Variants in GATAD1 observed in about 807,000 individuals in gnomAD.
The protein encoded by GATAD1 is GATA zinc finger domain containing 1.
A neutral mutation model predicts 26.5 loss-of-function variants in GATAD1; 12 were observed. The observed-to-expected ratio is 0.45, with a 90% CI of 0.29 to 0.73. The LOEUF is 0.73. Ranked by LOEUF, GATAD1 falls within the 30% of genes least tolerant of loss-of-function variation. The probability of loss-of-function intolerance (pLI) is 0.10; values close to 1 mark genes in which losing one functional copy is unlikely to be tolerated. For missense variants in GATAD1, 266 were observed against 342.1 expected, an observed-to-expected ratio of 0.78 and a Z score of 1.75; for synonymous variants, 129 against 133.1, an observed-to-expected ratio of 0.97 and a Z score of 0.21.
At chr7:92,485,267 G>A in the GATAD1 span, among the ~76,000 whole-genome samples, 2 of 152,168 alleles carry the variant, frequency 1.3e-5, no homozygotes, top group Non-Finnish European at 2.9e-5. Context: ...GGGCTCAGAG[G>A]CCTGACAGTC....
At chr7:92,449,668 A>ATT in intron 2 of GATAD1, 1 of 904,134 alleles carries the variant, frequency 1.1e-6, no homozygotes, top group Non-Finnish European at 1.3e-6. Flanking sequence ...ATGGCAGACT[A>ATT]TTTTCTTTTT....
At chr7:92,450,824 T>A in intron 3 of GATAD1, 64 bp downstream of exon 3, 2 of 978,270 alleles carry the variant, frequency 2.0e-6, no homozygotes, top group East Asian at 4.8e-5. Flanking sequence ...CACTAAAATG[T>A]TGGATTAGTC....
intron 3 of GATAD1, chr7:92,454,270 T>G: frequency 2.2e-6 from 1 of 457,938 alleles, no homozygotes; most frequent in Non-Finnish European, 3.8e-6. Context: ...GAACAAATCT[T>G]TTCTCCAGAT....
chr7:92,488,274 G>A, the GATAD1 span, among the ~76,000 whole-genome samples: 2 of 152,124 alleles, frequency 1.3e-5, no homozygotes, highest in African/African-American at 4.8e-5. Context: ...GAGGTGGTGG[G>A]CTTAACAGAA....
At chr7:92,464,006 T>C (rs1442359061), downstream of GATAD1, among the ~76,000 whole-genome samples, 1 of 152,122 alleles carries the variant, frequency 6.6e-6, no homozygotes, top group East Asian at 1.9e-4. Flanking sequence ...TTATGCATAT[T>C]TTACCATAAT....
intron 2 of GATAD1, 140 bp from the exon 3 acceptor site, chr7:92,450,561 A>AT: frequency 1.8e-6 from 1 of 568,382 alleles, no homozygotes; most frequent in Non-Finnish European, 3.1e-6. Context: ...TCAGAAAATC[A>AT]TTTATCTTTT....
At chr7:92,495,679 A>T in the GATAD1 span, among the ~76,000 whole-genome samples, 409 of 152,114 alleles carry the variant, frequency 2.7e-3, 13 homozygotes, top group Admixed American at 0.026. Context: ...AAAATTGTTT[A>T]TTCATGCTTT....
At chr7:92,494,204 G>T in the GATAD1 span, 1 of 946,350 alleles carries the variant, frequency 1.1e-6, no homozygotes. Context: ...GTCTTCTAAG[G>T]ACAATTGCCA....
intron 1 of GATAD1, 131 bp downstream of exon 1, chr7:92,448,109 C>G: frequency 1.8e-6 from 1 of 541,654 alleles, no homozygotes; most frequent in Non-Finnish European, 2.7e-6. Context: ...ACGCCCCTCC[C>G]CACCTCCTAC....
downstream of GATAD1, chr7:92,461,366 A>G (rs1789916293): frequency 6.6e-6 from 1 of 152,240 alleles, no homozygotes; most frequent in African/African-American, 2.4e-5. Context: ...CACAGAAGCA[A>G]CAGCCTTACA....
the GATAD1 span, chr7:92,490,251 T>C: frequency 7.1e-6 from 2 of 281,500 alleles, no homozygotes; most frequent in South Asian, 8.1e-5. Flanking sequence ...CATTTCTAAA[T>C]AGAATAAATT....
At chr7:92,492,566 C>T in the GATAD1 span, among the ~76,000 whole-genome samples, 2 of 152,192 alleles carry the variant, frequency 1.3e-5, no homozygotes, top group Non-Finnish European at 2.9e-5. Flanking sequence ...TCCTATTGGC[C>T]AGATTGGAAC....
At chr7:92,468,962 T>A in the GATAD1 span, 1 of 763,546 alleles carries the variant, frequency 1.3e-6, no homozygotes, top group Non-Finnish European at 2.4e-6. Context: ...GAGACAAAGT[T>A]AACAAGGAGG....
chr7:92,456,479 A>C lies in GATAD1; in HGVS notation c.727A>C (p.Arg243=). Residue 243 remains arginine, a synonymous_variant, in exon 5 of 5, where the codon AGA becomes CGA. Coordinates refer to ENST00000287957, the MANE Select transcript of GATAD1 (RefSeq NM_021167.5). ...ATCACCATTTCCCACAGTTCCCACC[A>C]GACCAGAGAAGGGCTACATATGGAC... ...RSSPFPTVPT[R]PEKGYIWTHV... 1 of 1,612,832 alleles carries C rather than the reference A, an allele frequency of 6.2e-7. No homozygotes were observed. Among genetic ancestry groups the C allele is most frequent in the Non-Finnish European group, 8.5e-7 (1 of 1,178,766 alleles).
At chr7:92,451,489 G>T (rs1354819249) in intron 3 of GATAD1, among the ~76,000 whole-genome samples, 3 of 152,228 alleles carry the variant, frequency 2.0e-5, no homozygotes, top group African/African-American at 7.2e-5. Context: ...GGGGACAGTG[G>T]TGTGAGTTAG....
chr7:92,494,142 T>A, the GATAD1 span: 1 of 684,714 alleles, frequency 1.5e-6, no homozygotes, highest in East Asian at 2.8e-5. Flanking sequence ...TAATTCAGAA[T>A]CTTTTTATGC....
At chr7:92,465,987 G>T in the GATAD1 span, among the ~76,000 whole-genome samples, 33 of 152,288 alleles carry the variant, frequency 2.2e-4, no homozygotes, top group African/African-American at 7.7e-4. Context: ...TGGGCCGACA[G>T]AGTGAGACTC....
rs1323330383 is a variant in GATAD1, at chr7:92,458,447, A to AC, written c.*1888dup. The AC allele has an allele frequency of 6.6e-6, 1 of 152,226 alleles. No homozygotes were observed. Among genetic ancestry groups the AC allele is most frequent in the Non-Finnish European group, 1.5e-5 (1 of 68,044 alleles). The allele number at this position is 152,226 out of a possible 1,614,324, so 9.4% of individuals were successfully genotyped here. A position where few individuals can be genotyped will look rare whatever the true frequency, so the allele number is the denominator to read the frequency against. On this transcript the variant is annotated 3_prime_UTR_variant, in exon 5 of 5. Transcript: ENST00000287957. The stretch of plus-strand genomic sequence containing the variant: ...ATCTACCCTAAACCATCTGCTATGG[A>AC]CCCATAATAAGAGGCCTGTTGTATA...
chr7:92,448,119 C>A (rs932479069), intron 1 of GATAD1, 141 bp downstream of exon 1: 3 of 502,330 alleles, frequency 6.0e-6, no homozygotes, highest in African/African-American at 4.0e-5. Flanking sequence ...CCACCTCCTA[C>A]TGAGATCTTT....
Sources: allele counts gnomAD v4.1 joint callset (sites outside exome capture counted in the v4.1 genomes callset), GRCh38; gene constraint gnomAD v4.1.1; transcripts MANE v1.5; gene names NCBI Gene and HGNC (gene_info 2026-07-23, HGNC 2026-07-21).